Variants in CSMD1 observed in about 807,000 individuals in gnomAD.
CSMD1 encodes CUB and sushi domain-containing protein 1.
A neutral mutation model predicts 417.5 loss-of-function variants in CSMD1; 213 were observed. The observed-to-expected ratio is 0.51, with a 90% CI of 0.46 to 0.57. CSMD1 has a LOEUF of 0.57. Among genes scored for constraint, CSMD1 ranks in the 20% least tolerant of loss-of-function variants. The pLI, the probability that CSMD1 is intolerant of heterozygous loss-of-function variation, is 0.00. For synonymous variants in CSMD1, 2,862 were observed against 1,736.8 expected (o/e 1.65, Z -16.11); for missense variants, 6,923 against 4,529.7 (o/e 1.53, Z -15.17).
intron 6 of CSMD1, among the ~76,000 whole-genome samples, chr8:3,742,054 A>G (rs1796834483): frequency 6.7e-6 from 1 of 149,726 alleles, no homozygotes; most frequent in African/African-American, 2.5e-5. Flanking sequence ...CTTCACACTC[A>G]TTCAGCACAT....
At chr8:3,501,788 G>T (rs548423155) in intron 10 of CSMD1, among the ~76,000 whole-genome samples, 1 of 152,140 alleles carries the variant, frequency 6.6e-6, no homozygotes, top group East Asian at 1.9e-4. Context: ...CACTTTCTTA[G>T]AAAATAAATA....
chr8:4,313,539 A>T (rs1798749299), intron 3 of CSMD1, among the ~76,000 whole-genome samples: 1 of 151,544 alleles, frequency 6.6e-6, no homozygotes. Context: ...CGTAGGTCAC[A>T]TCAGGAGGAA....
chr8:3,810,456 T>G (rs779171515), intron 5 of CSMD1, among the ~76,000 whole-genome samples: 1 of 152,096 alleles, frequency 6.6e-6, no homozygotes, highest in Non-Finnish European at 1.5e-5. Flanking sequence ...CGGGAGGACC[T>G]GGGCACACTG....
rs138905871 is a variant in CSMD1 at position 4,128,116 on chromosome 8, C to A, written c.416-96017G>T. 2.2e-4 allele frequency among the ~76,000 whole-genome samples: 33 copies of A among 152,302 alleles called. No homozygotes were observed. In the East Asian group the frequency reaches 5.8e-3, roughly 27 times the overall value. On this transcript the variant is annotated intron_variant, in intron 3 of 69. Transcript: ENST00000635120. ...AGTCTTCACATGCATCTGGCAAACA[C>A]TGTCAGGCCAGCACTCCCACCCCCA...
intron 3 of CSMD1, among the ~76,000 whole-genome samples, chr8:4,088,609 C>T (rs1037991951): frequency 1.3e-5 from 2 of 152,134 alleles, no homozygotes; most frequent in Non-Finnish European, 1.5e-5. Context: ...CTCTCTCTCT[C>T]CCCTTCCCAC....
At chr8:4,840,425 ATGT>A (rs1800775705) in intron 1 of CSMD1, among the ~76,000 whole-genome samples, 5 of 152,184 alleles carry the variant, frequency 3.3e-5, no homozygotes, top group Admixed American at 3.3e-4. Flanking sequence ...AACCACTTAT[ATGT>A]TGAAGACTAT....
intron 5 of CSMD1, among the ~76,000 whole-genome samples, chr8:3,956,970 A>G (rs1258777116): frequency 6.6e-6 from 1 of 151,876 alleles, no homozygotes; most frequent in South Asian, 2.1e-4. Flanking sequence ...GAAAGGTTGG[A>G]CCTGTTTTTC....
intron 4 of CSMD1, among the ~76,000 whole-genome samples, chr8:4,007,135 G>T (rs1585121233): frequency 1.3e-5 from 2 of 151,890 alleles, no homozygotes; most frequent in Non-Finnish European, 2.9e-5. Flanking sequence ...ACCGAGCCTG[G>T]CCACGACTTT....
intron 1 of CSMD1, among the ~76,000 whole-genome samples, chr8:4,780,244 C>G (rs1350541225): frequency 3.3e-5 from 5 of 152,200 alleles, no homozygotes; most frequent in African/African-American, 1.2e-4. Context: ...TATGACTGCC[C>G]TGAAGGTGTG....
rs559961455 is a variant in CSMD1 at position 4,736,850 on chromosome 8, T to A, written c.86-99292A>T. On this transcript the variant is annotated intron_variant, in intron 1 of 69. Coordinates refer to ENST00000635120, the MANE Select transcript of CSMD1 (RefSeq NM_033225.6). ...CTGATTTGTGGGGTAAGAAAATAGC[T>A]CCTACCTAATGCAGAGCTGGTATGT... 2.6e-5 allele frequency among the ~76,000 whole-genome samples: 4 copies of A among 152,238 alleles called. No homozygotes were observed. The South Asian group carries it at 8.3e-4, about 32-fold the overall frequency.
intron 3 of CSMD1, among the ~76,000 whole-genome samples, chr8:4,323,530 C>T (rs547827537): frequency 6.6e-6 from 1 of 152,092 alleles, no homozygotes; most frequent in Non-Finnish European, 1.5e-5. Flanking sequence ...CATAAGGATC[C>T]TGACCAGTGT....
intron 21 of CSMD1, among the ~76,000 whole-genome samples, chr8:3,350,169 A>T (rs1333604438): frequency 7.9e-6 from 1 of 127,248 alleles, no homozygotes; most frequent in African/African-American, 3.0e-5. Context: ...GTGTGTTATA[A>T]TACCTATAAT....
intron 51 of CSMD1, among the ~76,000 whole-genome samples, chr8:3,022,819 C>G (rs766086800): frequency 2.0e-5 from 3 of 152,050 alleles, no homozygotes; most frequent in Admixed American, 6.6e-5. Flanking sequence ...TGCAAATACA[C>G]GAAGGCACTC....
intron 2 of CSMD1, among the ~76,000 whole-genome samples, chr8:4,465,737 A>T (rs1389424880): frequency 6.6e-6 from 1 of 152,092 alleles, no homozygotes; most frequent in Non-Finnish European, 1.5e-5. Context: ...GTTTGGAGGA[A>T]CTCTAGTTTG....
chr8:3,765,940 G>A (rs1798243066), intron 5 of CSMD1, among the ~76,000 whole-genome samples: 1 of 152,216 alleles, frequency 6.6e-6, no homozygotes, highest in Non-Finnish European at 1.5e-5. Flanking sequence ...TGTAAAAATG[G>A]CCTGGATGCC....
At chr8:4,932,842 C>G (rs559806768) in intron 1 of CSMD1, among the ~76,000 whole-genome samples, 1 of 152,318 alleles carries the variant, frequency 6.6e-6, no homozygotes, top group African/African-American at 2.4e-5. Context: ...TTTTCAACTA[C>G]AGGTCCTGTC....
chr8:3,433,039 T>G (rs887720450), intron 12 of CSMD1, among the ~76,000 whole-genome samples: 1 of 152,166 alleles, frequency 6.6e-6, no homozygotes, highest in East Asian at 1.9e-4. Flanking sequence ...AAAAAATAAA[T>G]TTACTTGAAA....
At chr8:4,468,678 G>C (rs539906126) in intron 2 of CSMD1, among the ~76,000 whole-genome samples, 9 of 152,212 alleles carry the variant, frequency 5.9e-5, no homozygotes, top group Admixed American at 5.2e-4. Flanking sequence ...CCCCTGGACT[G>C]TATGTATCAT....
At chr8:4,131,368 T>C (rs1803092211) in intron 3 of CSMD1, among the ~76,000 whole-genome samples, 1 of 152,118 alleles carries the variant, frequency 6.6e-6, no homozygotes, top group African/African-American at 2.4e-5. Context: ...CTCCTCAAAA[T>C]AATATTCTAA....
Sources: gnomAD v4.1 joint callset for allele counts (sites outside exome capture counted in the v4.1 genomes callset) on GRCh38, gnomAD v4.1.1 for gene constraint, MANE v1.5 for transcripts, NCBI Gene and HGNC (gene_info 2026-07-23, HGNC 2026-07-21) for gene names.